The following PLEKHG1 variants were observed in gnomAD, a reference collection of about 807,000 sequenced individuals.
PLEKHG1 encodes pleckstrin homology and RhoGEF domain containing G1, also known as pleckstrin homology domain-containing family G member 1.
Under a neutral mutation model 100.8 loss-of-function variants are expected in PLEKHG1, and 44 were observed. The observed-to-expected ratio is 0.44, with a 90% CI of 0.34 to 0.56. The LOEUF (loss-of-function observed/expected upper bound fraction) is 0.56, where lower values mean the gene tolerates loss of function less well. Ranked by LOEUF, PLEKHG1 falls within the 20% of genes least tolerant of loss-of-function variation. The pLI is 0.01. For synonymous variants in PLEKHG1, 640 were observed against 662.5 expected, an observed-to-expected ratio of 0.97 and a Z score of 0.52; for missense variants, 1,545 against 1,720.9, an observed-to-expected ratio of 0.90 and a Z score of 1.81.
intron 2 of PLEKHG1, among the ~76,000 whole-genome samples, chr6:150,742,563 T>G (rs1212160372): frequency 3.6e-5 from 1 of 28,014 alleles, no homozygotes; most frequent in Non-Finnish European, 5.6e-5. Flanking sequence ...AGACTCCATC[T>G]CAAAAAAAAA....
chr6:150,781,743 G>A (rs1422483044), intron 3 of PLEKHG1, among the ~76,000 whole-genome samples: 1 of 151,734 alleles, frequency 6.6e-6, no homozygotes, highest in African/African-American at 2.4e-5. Flanking sequence ...TTTGGAATTG[G>A]GACTGTTTTA....
In PLEKHG1 at chr6:150,800,877, T is replaced by G; in HGVS notation, c.780+8T>G. The G allele has an allele frequency of 6.2e-7, 1 of 1,613,374 alleles. No individual in the cohort carries two copies. Among genetic ancestry groups the G allele is most frequent in the Non-Finnish European group, 8.5e-7 (1 of 1,179,470 alleles). On this transcript the variant is annotated splice_region_variant and intron_variant, in intron 6 of 15. Coordinates refer to ENST00000358517, the Ensembl canonical transcript of PLEKHG1. Reference sequence around the variant, plus strand: ...TATCATCTCCTTCTGCATGTAAGTTTCTGCCTGGCATGAGCACTTTCCAGG... The same window carrying G: ...TATCATCTCCTTCTGCATGTAAGTTGCTGCCTGGCATGAGCACTTTCCAGG...
chr6:150,772,935 AT>A (rs1244607895), intron 3 of PLEKHG1, among the ~76,000 whole-genome samples: 1 of 152,186 alleles, frequency 6.6e-6, no homozygotes, highest in Non-Finnish European at 1.5e-5. Context: ...TTTGCAGATT[AT>A]GTGAGATGTA....
chr6:150,740,717 G>A (rs1427944245), intron 2 of PLEKHG1, among the ~76,000 whole-genome samples: 1 of 152,064 alleles, frequency 6.6e-6, no homozygotes, highest in Non-Finnish European at 1.5e-5. Flanking sequence ...TTTTTATGAG[G>A]CATTTGAGCA....
intron 3 of PLEKHG1, among the ~76,000 whole-genome samples, chr6:150,705,855 A>G (rs529128982): frequency 6.6e-6 from 1 of 152,324 alleles, no homozygotes; most frequent in Non-Finnish European, 1.5e-5. Flanking sequence ...TCAGAAAGAA[A>G]TAAACACTGG....
At chr6:150,708,673 A>G (rs1781120861) in intron 3 of PLEKHG1, among the ~76,000 whole-genome samples, 1 of 152,232 alleles carries the variant, frequency 6.6e-6, no homozygotes, top group African/African-American at 2.4e-5. Context: ...AGTTCCTTGA[A>G]TAATTCAGAA....
At chr6:150,825,545 C>T (rs1418409529) in intron 14 of PLEKHG1, among the ~76,000 whole-genome samples, 1 of 152,202 alleles carries the variant, frequency 6.6e-6, no homozygotes, top group Non-Finnish European at 1.5e-5. Context: ...GCACTCCAGC[C>T]TGGGCAACAG....
At chr6:150,814,435 G>C (rs566575246) in intron 10 of PLEKHG1, among the ~76,000 whole-genome samples, 1 of 152,276 alleles carries the variant, frequency 6.6e-6, no homozygotes, top group Non-Finnish European at 1.5e-5. Context: ...CCAAGTTGTC[G>C]ATCCTTTCTA....
In PLEKHG1 at chr6:150,725,756, G is replaced by GT. The variant is rs555158016; in HGVS notation, c.-99+4566dup. Among the ~76,000 whole-genome samples, 183 of 135,848 alleles carry GT rather than the reference G, an allele frequency of 1.3e-3. 1 individual carries two copies. In the East Asian group the frequency reaches 0.031, roughly 23 times the overall value. 89.1% of individuals were successfully genotyped at this position (135,848 alleles called of 152,430 possible). On this transcript the variant is annotated intron_variant, in intron 1 of 15. Coordinates refer to ENST00000358517, the Ensembl canonical transcript of PLEKHG1. Reference sequence around the variant, plus strand: ...GTGTCATGAAGCTTTTCTCCCCTATGTTTTTTTTTTCTTTTTTTTTCTTAG... The same window carrying GT: ...GTGTCATGAAGCTTTTCTCCCCTATGTTTTTTTTTTTCTTTTTTTTTCTTAG...
chr6:150,684,961 T>C (rs1158111140), intron 3 of PLEKHG1, among the ~76,000 whole-genome samples: 1 of 152,102 alleles, frequency 6.6e-6, no homozygotes, highest in East Asian at 1.9e-4. Flanking sequence ...GGGGTCAAAG[T>C]TGCTTCTGCT....
chr6:150,697,110 AG>A (rs752786799), intron 3 of PLEKHG1, among the ~76,000 whole-genome samples: 32 of 75,248 alleles, frequency 4.3e-4, no homozygotes, highest in Admixed American at 1.3e-3. Context: ...AAAAAAAAAA[AG>A]AAGAAGAAGA....
At chr6:150,617,502 A>G (rs1562386099) in intron 1 of PLEKHG1, among the ~76,000 whole-genome samples, 1 of 152,192 alleles carries the variant, frequency 6.6e-6, no homozygotes, top group Non-Finnish European at 1.5e-5. Context: ...AATGACCTCA[A>G]AAGTCTGGAG....
rs78117527 is a variant in PLEKHG1, at chr6:150,747,137, C to A, written c.411+13045C>A. Among the ~76,000 whole-genome samples the A allele has an allele frequency of 8.2e-3, 1,253 of 152,316 alleles. 21 individuals are homozygous for A. The highest frequency in any genetic ancestry group is 0.029 in the African/African-American group (1,190 of 41,564). ...CTTGTTCGGTTGGGTTAGAATCATG[C>A]TGCATTTTAAGTGTGTGCCATCTTG... On this transcript the variant is annotated intron_variant, in intron 2 of 15. Transcript: ENST00000358517.
chr6:150,742,208 T>C (rs1190383136), intron 2 of PLEKHG1, among the ~76,000 whole-genome samples: 1 of 152,192 alleles, frequency 6.6e-6, no homozygotes, highest in East Asian at 1.9e-4. Flanking sequence ...CTGCTTCTGA[T>C]GAGGTCTCAG....
At chr6:150,727,095 T>TA (rs1238268928) in intron 1 of PLEKHG1, among the ~76,000 whole-genome samples, 1 of 152,208 alleles carries the variant, frequency 6.6e-6, no homozygotes, top group Non-Finnish European at 1.5e-5. Flanking sequence ...AATAAGGAAC[T>TA]ACATAATTTC....
chr6:150,772,760 T>A (rs1784771685), intron 3 of PLEKHG1, among the ~76,000 whole-genome samples: 2 of 152,280 alleles, frequency 1.3e-5, no homozygotes, highest in South Asian at 4.1e-4. Context: ...TTGGTGATGA[T>A]CTATCTCTGT....
rs529910415 is a variant in PLEKHG1 at position 150,777,719 on chromosome 6, T to C, written c.513-8671T>C. Among the ~76,000 whole-genome samples, 26 of 139,136 alleles carry C rather than the reference T, an allele frequency of 1.9e-4. No individual in the cohort carries two copies. In the East Asian group the frequency reaches 5.8e-3, roughly 31 times the overall value. The allele number at this position is 139,136 out of a possible 152,430, so 91.3% of individuals were successfully genotyped here. On this transcript the variant is annotated intron_variant, in intron 3 of 15. Transcript: ENST00000358517. ...CCTGGTGCACATGTGCGGTTGCACATTACACTGATGCAATCCTGGTGCACG... is the reference window on the plus strand; with the variant it reads ...CCTGGTGCACATGTGCGGTTGCACACTACACTGATGCAATCCTGGTGCACG...
At chr6:150,685,543 G>A (rs1446824349) in intron 3 of PLEKHG1, among the ~76,000 whole-genome samples, 1 of 152,116 alleles carries the variant, frequency 6.6e-6, no homozygotes, top group Non-Finnish European at 1.5e-5. Context: ...CTGAGATTGG[G>A]GTGTGGAGAG....
At chr6:150,751,552 A>G (rs1181253148) in intron 2 of PLEKHG1, among the ~76,000 whole-genome samples, 1 of 152,238 alleles carries the variant, frequency 6.6e-6, no homozygotes, top group Non-Finnish European at 1.5e-5. Flanking sequence ...AGATATTTCA[A>G]ATGCCCAACA....
Sources: allele counts gnomAD v4.1 joint callset (sites outside exome capture counted in the v4.1 genomes callset), GRCh38; gene constraint gnomAD v4.1.1; transcripts MANE v1.5; gene names NCBI Gene and HGNC (gene_info 2026-07-23, HGNC 2026-07-21).